Variants in EMCN observed in about 807,000 individuals in gnomAD.
EMCN encodes endomucin.
In EMCN, 37 loss-of-function variants were observed where a neutral mutation model predicts 38.4. The ratio of observed to expected loss-of-function variants is 0.96; its 90% confidence interval spans 0.74 to 1.27. EMCN has a LOEUF of 1.27. Ranked by LOEUF, EMCN falls within the 50% of genes most tolerant of loss-of-function variation. The pLI is 0.00. For missense variants in EMCN, 318 were observed against 302.8 expected (o/e 1.05, Z -0.37); for synonymous variants, 95 against 100.8 (o/e 0.94, Z 0.35).
chr4:100,498,287 G>A (rs1319723407), intron 1 of EMCN, among the ~76,000 whole-genome samples: 1 of 151,948 alleles, frequency 6.6e-6, no homozygotes, highest in African/African-American at 2.4e-5. Context: ...AAGAATTTCA[G>A]CCTAAAATTT....
At chr4:100,517,574 A>G (rs866100009) in intron 1 of EMCN, among the ~76,000 whole-genome samples, 1 of 152,102 alleles carries the variant, frequency 6.6e-6, no homozygotes, top group South Asian at 2.1e-4. Flanking sequence ...CCAGATTTTT[A>G]TACTCTAAAG....
intron 9 of EMCN, 137 bp downstream of exon 9, chr4:100,416,980 G>T: frequency 1.3e-6 from 1 of 786,644 alleles, no homozygotes; most frequent in Non-Finnish European, 2.1e-6. Flanking sequence ...AATGGAGAGA[G>T]CTCTGACAAA....
At chr4:100,497,601 C>T (rs1172588575) in intron 1 of EMCN, among the ~76,000 whole-genome samples, 2 of 152,150 alleles carry the variant, frequency 1.3e-5, no homozygotes. Context: ...TGGTCTCGAT[C>T]TCCTGACCTC....
chr4:100,467,488 C>G (rs945166209), intron 3 of EMCN, among the ~76,000 whole-genome samples: 2 of 151,814 alleles, frequency 1.3e-5, no homozygotes, highest in African/African-American at 4.8e-5. Context: ...ACCATCCTGG[C>G]TAACACGGTG....
At chr4:100,473,496 G>T (rs1484486860) in intron 3 of EMCN, among the ~76,000 whole-genome samples, 1 of 148,314 alleles carries the variant, frequency 6.7e-6, no homozygotes, top group African/African-American at 2.5e-5. Flanking sequence ...GTTCAAAATG[G>T]GTCGTAAAAG....
intron 1 of EMCN, among the ~76,000 whole-genome samples, chr4:100,514,850 T>C (rs1231199943): frequency 6.6e-6 from 1 of 152,090 alleles, no homozygotes; most frequent in Non-Finnish European, 1.5e-5. Context: ...AGTTGTAAAT[T>C]TTCTATGTCA....
At chr4:100,475,658 CCTTTTTTTT>C (rs1194656463) in intron 2 of EMCN, among the ~76,000 whole-genome samples, 32,389 of 107,766 alleles carry the variant, frequency 0.3, 7,201 homozygotes, top group East Asian at 0.7. Flanking sequence ...CAATTCTAGT[CCTTTTTTTT>C]TTTTTTTTTT....
chr4:100,431,848 AT>A (rs1727213177), intron 5 of EMCN, among the ~76,000 whole-genome samples: 2 of 149,942 alleles, frequency 1.3e-5, no homozygotes, highest in African/African-American at 4.9e-5. Flanking sequence ...TGCACAACCT[AT>A]TGGTTCTGTT....
intron 1 of EMCN, among the ~76,000 whole-genome samples, chr4:100,497,520 G>C (rs6853214): frequency 0.39 from 59,537 of 151,780 alleles, 12,325 homozygotes; most frequent in East Asian, 0.71. Flanking sequence ...GGGACTACAG[G>C]CACCCACCAC....
chr4:100,407,832 G>A (rs1247071696), intron 11 of EMCN, among the ~76,000 whole-genome samples: 1 of 152,128 alleles, frequency 6.6e-6, no homozygotes, highest in African/African-American at 2.4e-5. Context: ...CAAATTGCTT[G>A]CTTTCTTTCC....
intron 4 of EMCN, among the ~76,000 whole-genome samples, chr4:100,462,647 GC>G (rs1728211872): frequency 6.6e-6 from 1 of 152,022 alleles, no homozygotes; most frequent in African/African-American, 2.4e-5. Flanking sequence ...TCCTGAAGGT[GC>G]CTTTTAGATA....
At chr4:100,435,927 A>G (rs544546922) in intron 5 of EMCN, among the ~76,000 whole-genome samples, 1 of 152,310 alleles carries the variant, frequency 6.6e-6, no homozygotes, top group South Asian at 2.1e-4. Context: ...TAAAAACCCT[A>G]GAAGAAAATC....
rs575881123 is a variant in EMCN, at chr4:100,460,953, T to C, written c.376+4470A>G. Among the ~76,000 whole-genome samples the C allele has an allele frequency of 6.7e-4, 102 of 152,296 alleles. 1 individual carries two copies. Among genetic ancestry groups the C allele is most frequent in the Middle Eastern group, 3.4e-3 (1 of 294 alleles). Reference sequence around the variant, plus strand: ...TCTTTTGAAAATGTAAATAATATCATATCATTGCTCTGCTCTCAACTCTCC... The same window carrying C: ...TCTTTTGAAAATGTAAATAATATCACATCATTGCTCTGCTCTCAACTCTCC... On this transcript the variant is annotated intron_variant, in intron 4 of 11. Coordinates refer to ENST00000296420, the MANE Select transcript of EMCN (RefSeq NM_016242.4).
At chr4:100,441,274 T>C (rs1226643802) in intron 5 of EMCN, among the ~76,000 whole-genome samples, 1 of 152,214 alleles carries the variant, frequency 6.6e-6, no homozygotes, top group East Asian at 1.9e-4. Context: ...ACATTCTTTG[T>C]CTCTTGTGAC....
intron 4 of EMCN, among the ~76,000 whole-genome samples, chr4:100,452,325 C>T (rs1727866358): frequency 6.6e-6 from 1 of 151,932 alleles, no homozygotes. Context: ...AAATAGCATA[C>T]TGGTTGATTA....
chr4:100,451,030 T>C (rs1727824025), intron 4 of EMCN, among the ~76,000 whole-genome samples: 1 of 151,896 alleles, frequency 6.6e-6, no homozygotes, highest in African/African-American at 2.4e-5. Context: ...TGTTAATATC[T>C]AACATGTGCT....
At chr4:100,490,689 G>T (rs1032159771) in intron 1 of EMCN, among the ~76,000 whole-genome samples, 1 of 152,200 alleles carries the variant, frequency 6.6e-6, no homozygotes, top group Admixed American at 6.5e-5. Context: ...AGGCCTAGGT[G>T]TGTAGTAGGT....
intron 1 of EMCN, among the ~76,000 whole-genome samples, chr4:100,505,139 A>G (rs1578237629): frequency 6.6e-6 from 1 of 151,204 alleles, no homozygotes; most frequent in Non-Finnish European, 1.5e-5. Context: ...GATGGCTCAC[A>G]CTCCTTACCC....
intron 3 of EMCN, among the ~76,000 whole-genome samples, chr4:100,472,961 T>TATATATATATTCTAGAA (rs1250609787): frequency 2.0e-5 from 3 of 148,184 alleles, no homozygotes; most frequent in African/African-American, 7.4e-5. Flanking sequence ...AATAAACTTC[T>TATATATATATTCTAGAA]ATATATATAT....
Sources: allele counts gnomAD v4.1 joint callset (sites outside exome capture counted in the v4.1 genomes callset), GRCh38; gene constraint gnomAD v4.1.1; transcripts MANE v1.5; gene names NCBI Gene and HGNC (gene_info 2026-07-23, HGNC 2026-07-21).